STAP1: variants seen among roughly 807,000 people sequenced by gnomAD.
STAP1 encodes the protein signal transducing adaptor family member 1.
A neutral mutation model predicts 37.8 loss-of-function variants in STAP1; 30 were observed. The ratio of observed to expected loss-of-function variants is 0.79; its 90% CI spans 0.59 to 1.08. The LOEUF is 1.08. Ranked by LOEUF, STAP1 falls within the 50% of genes least tolerant of loss-of-function variation. The pLI is 0.00. For synonymous variants in STAP1, 130 were observed against 116.0 expected, an observed-to-expected ratio of 1.12 and a Z score of -0.78; for missense variants, 357 against 349.4, an observed-to-expected ratio of 1.02 and a Z score of -0.17.
intron 1 of STAP1, among the ~76,000 whole-genome samples, chr4:67,566,464 C>T (rs545149713): frequency 7.9e-5 from 12 of 152,144 alleles, no homozygotes; most frequent in Non-Finnish European, 1.8e-4. Context: ...AAGTCACTGA[C>T]TCAGATTAAG....
chr4:67,601,471 C>G (rs1287479510), intron 8 of STAP1, among the ~76,000 whole-genome samples: 2 of 152,166 alleles, frequency 1.3e-5, no homozygotes, highest in Non-Finnish European at 2.9e-5. Context: ...AAGATGACTT[C>G]TTATAGCTCA....
At chr4:67,565,844 C>G (rs1727454302) in intron 1 of STAP1, among the ~76,000 whole-genome samples, 1 of 151,024 alleles carries the variant, frequency 6.6e-6, no homozygotes, top group Non-Finnish European at 1.5e-5. Flanking sequence ...ACAACCATCA[C>G]CAGTATCTAA....
intron 4 of STAP1, among the ~76,000 whole-genome samples, chr4:67,577,900 C>T (rs992074397): frequency 6.6e-6 from 1 of 152,078 alleles, no homozygotes; most frequent in African/African-American, 2.4e-5. Flanking sequence ...CTGCCGGCCT[C>T]GGCCTCCGAA....
chr4:67,565,752 G>T (rs1371016936), intron 1 of STAP1, among the ~76,000 whole-genome samples: 1 of 151,672 alleles, frequency 6.6e-6, no homozygotes, highest in Non-Finnish European at 1.5e-5. Flanking sequence ...CCTATTTTTG[G>T]TTCCTTAAAG....
At chr4:67,566,674 T>G (rs1727477965) in intron 1 of STAP1, among the ~76,000 whole-genome samples, 1 of 152,092 alleles carries the variant, frequency 6.6e-6, no homozygotes, top group Non-Finnish European at 1.5e-5. Context: ...CTGAGCAGAA[T>G]AGATTCGAAA....
chr4:67,562,982 A>G (rs535720772), intron 1 of STAP1, among the ~76,000 whole-genome samples: 2 of 152,256 alleles, frequency 1.3e-5, no homozygotes, highest in South Asian at 4.1e-4. Flanking sequence ...CCACTATACA[A>G]CATTCTTCCT....
chr4:67,602,010 A>G (rs1314894265), intron 8 of STAP1, among the ~76,000 whole-genome samples: 3 of 151,806 alleles, frequency 2.0e-5, no homozygotes, highest in African/African-American at 7.2e-5. Context: ...TTTTCAAGAT[A>G]TTGTAGGTGT....
intron 8 of STAP1, among the ~76,000 whole-genome samples, chr4:67,598,942 CA>C (rs2109877090): frequency 6.6e-6 from 1 of 152,246 alleles, no homozygotes; most frequent in East Asian, 1.9e-4. Flanking sequence ...TGAATTTTAT[CA>C]AATGCTTTTT....
At chr4:67,568,173 A>G (rs1241235709) in intron 1 of STAP1, among the ~76,000 whole-genome samples, 1 of 152,240 alleles carries the variant, frequency 6.6e-6, no homozygotes, top group East Asian at 1.9e-4. Flanking sequence ...TAAATTCTGA[A>G]GAGTCGACAA....
intron 1 of STAP1, among the ~76,000 whole-genome samples, chr4:67,564,645 T>C (rs1727424994): frequency 6.6e-6 from 1 of 152,048 alleles, no homozygotes. Flanking sequence ...AGCCATACTT[T>C]AGTAAAATTG....
chr4:67,560,930 T>C (rs72848516), intron 1 of STAP1, among the ~76,000 whole-genome samples: 126 of 152,336 alleles, frequency 8.3e-4, no homozygotes, highest in African/African-American at 3.0e-3. Flanking sequence ...ATTACAGGCA[T>C]GGGCCTCTGA....
intron 1 of STAP1, among the ~76,000 whole-genome samples, chr4:67,561,910 A>G (rs1727347861): frequency 1.3e-5 from 2 of 151,934 alleles, no homozygotes; most frequent in South Asian, 4.2e-4. Flanking sequence ...CGTCTCTACT[A>G]AAAATACAAA....
intron 1 of STAP1, among the ~76,000 whole-genome samples, chr4:67,561,482 G>A (rs532666480): frequency 4.0e-4 from 61 of 152,200 alleles, no homozygotes; most frequent in African/African-American, 1.4e-3. Context: ...TTTTTGTGGG[G>A]CACTTTTAAG....
At chr4:67,581,122 G>A (rs938125567) in intron 4 of STAP1, among the ~76,000 whole-genome samples, 183 bp from the exon 5 acceptor site, 7 of 152,318 alleles carry the variant, frequency 4.6e-5, no homozygotes, top group African/African-American at 1.7e-4. Flanking sequence ...TGTAGTTGGT[G>A]CAGAGGCGGT....
intron 1 of STAP1, among the ~76,000 whole-genome samples, chr4:67,566,068 C>A (rs1468285701): frequency 4.6e-5 from 7 of 151,378 alleles, no homozygotes; most frequent in African/African-American, 1.7e-4. Context: ...CCTGTCTCAG[C>A]CTCCCAAGTA....
chr4:67,573,608 G>T (rs914130404), intron 2 of STAP1, among the ~76,000 whole-genome samples: 7 of 151,842 alleles, frequency 4.6e-5, no homozygotes, highest in African/African-American at 7.3e-5. Flanking sequence ...CATATTTTTT[G>T]AATGTATTTA....
chr4:67,562,941 C>T (rs895909527), intron 1 of STAP1, among the ~76,000 whole-genome samples: 3 of 152,024 alleles, frequency 2.0e-5, no homozygotes, highest in East Asian at 1.9e-4. Flanking sequence ...ATCTTGCACA[C>T]CTTTGGAATT....
At chr4:67,568,067 A>C (rs1226746023) in intron 1 of STAP1, among the ~76,000 whole-genome samples, 2 of 152,368 alleles carry the variant, frequency 1.3e-5, no homozygotes, top group East Asian at 3.9e-4. Context: ...TGGTGATTGT[A>C]GTTCAAAATG....
intron 6 of STAP1, among the ~76,000 whole-genome samples, chr4:67,588,782 G>C (rs1042891217): frequency 6.6e-6 from 1 of 152,190 alleles, no homozygotes; most frequent in African/African-American, 2.4e-5. Flanking sequence ...GCTATGTTGA[G>C]TACTGGCAAA....
Sources: allele counts gnomAD v4.1 joint callset (sites outside exome capture counted in the v4.1 genomes callset), GRCh38; gene constraint gnomAD v4.1.1; transcripts MANE v1.5; gene names NCBI Gene and HGNC (gene_info 2026-07-23, HGNC 2026-07-21).